Variants in KLF7 observed in about 807,000 individuals in gnomAD.
The protein encoded by KLF7 is Krueppel-like factor 7.
In KLF7, 2 loss-of-function variants were observed where a neutral mutation model predicts 27.3. The ratio of observed to expected loss-of-function variants is 0.07; its 90% CI spans 0.03 to 0.23. KLF7 has a LOEUF of 0.23. Among genes scored for constraint, KLF7 ranks in the 10% least tolerant of loss-of-function variants. KLF7 has a pLI of 1.00. For missense variants in KLF7, 221 were observed against 394.1 expected (o/e 0.56, Z 3.72); for synonymous variants, 165 against 162.4 (o/e 1.02, Z -0.12).
chr2:207,081,306 A>T (rs1382105420), intron 3 of KLF7, 42 bp from the exon 4 acceptor site: 1 of 1,500,812 alleles, frequency 6.7e-7, no homozygotes, highest in East Asian at 2.3e-5. Context: ...AACTCCCAGC[A>T]AACAGCTTGA....
At chr2:207,106,266 A>T (rs2076880903) in intron 2 of KLF7, among the ~76,000 whole-genome samples, 1 of 152,230 alleles carries the variant, frequency 6.6e-6, no homozygotes, top group South Asian at 2.1e-4. Context: ...CTCTAGCTAC[A>T]AAATGGAGAA....
chr2:207,130,211 T>C (rs2077589113), intron 1 of KLF7, among the ~76,000 whole-genome samples: 1 of 152,170 alleles, frequency 6.6e-6, no homozygotes, highest in Admixed American at 6.5e-5. Context: ...CCTTTCGCCT[T>C]CCCTCCCACT....
intron 1 of KLF7, among the ~76,000 whole-genome samples, chr2:207,132,898 T>C (rs771489221): frequency 1.3e-5 from 2 of 152,252 alleles, no homozygotes; most frequent in Non-Finnish European, 2.9e-5. Context: ...TGATGGCCCA[T>C]GCACAGAGAG....
At chr2:207,143,996 GGA>G (rs1332595616) in intron 1 of KLF7, among the ~76,000 whole-genome samples, 1 of 151,996 alleles carries the variant, frequency 6.6e-6, no homozygotes, top group Non-Finnish European at 1.5e-5. Context: ...CTGCCTTGGT[GGA>G]GAGAGAGAGG....
intron 1 of KLF7, among the ~76,000 whole-genome samples, chr2:207,142,683 G>C (rs2077976903): frequency 6.6e-6 from 1 of 152,158 alleles, no homozygotes; most frequent in Non-Finnish European, 1.5e-5. Flanking sequence ...GTGGAGAAAG[G>C]GAACAATGAC....
chr2:207,107,358 C>T (rs913668309), intron 2 of KLF7, among the ~76,000 whole-genome samples: 4 of 152,118 alleles, frequency 2.6e-5, no homozygotes, highest in Non-Finnish European at 5.9e-5. Flanking sequence ...CACAGCAGTT[C>T]CCCCACCCCA....
chr2:207,106,747 C>T (rs1229230875), intron 2 of KLF7, among the ~76,000 whole-genome samples: 1 of 152,128 alleles, frequency 6.6e-6, no homozygotes, highest in Non-Finnish European at 1.5e-5. Context: ...TCAAGAAACA[C>T]TTTGGAAAGC....
chr2:207,118,869 G>C (rs1364828718), intron 2 of KLF7, among the ~76,000 whole-genome samples: 3 of 152,122 alleles, frequency 2.0e-5, no homozygotes, highest in Admixed American at 6.5e-5. Flanking sequence ...TTTGCCTTTT[G>C]AATGCTACAC....
chr2:207,133,917 T>G (rs773994899), intron 1 of KLF7: 4 of 514,752 alleles, frequency 7.8e-6, no homozygotes, highest in Non-Finnish European at 1.3e-5. Context: ...AAACCAAAAT[T>G]ACTGAAAAAC....
intron 1 of KLF7, among the ~76,000 whole-genome samples, chr2:207,155,106 TG>T (rs1291177055): frequency 1.3e-5 from 2 of 152,224 alleles, no homozygotes; most frequent in African/African-American, 4.8e-5. Context: ...CCAAGTTGTA[TG>T]ATTTTAAGCA....
Position 207,078,963 on chromosome 2 carries a change from A to T in KLF7, c.*2250T>A, listed in dbSNP as rs932678326. On this transcript the variant is annotated 3_prime_UTR_variant, in exon 4 of 4. Transcript: ENST00000309446. ...AACTGATTTTTAATACCCTCCAACTAACATACATACAATTGCCTCCGGCAA... is the reference window on the plus strand; with the variant it reads ...AACTGATTTTTAATACCCTCCAACTTACATACATACAATTGCCTCCGGCAA... The T allele has an allele frequency of 4.6e-5, 7 of 152,158 alleles. No individual in the cohort carries two copies. Among genetic ancestry groups the T allele is most frequent in the Non-Finnish European group, 8.8e-5 (6 of 68,054 alleles). The allele number at this position is 152,158 out of a possible 1,614,324, so 9.4% of individuals were successfully genotyped here.
rs1330060275 is a variant in KLF7 at position 207,075,110 on chromosome 2, CT to C, written c.*6102del. On this transcript the variant is annotated 3_prime_UTR_variant, in exon 4 of 4. Coordinates refer to ENST00000309446, the MANE Select transcript of KLF7 (RefSeq NM_003709.4). Reference sequence around the variant, plus strand: ...GTATTCCAAGGCCAAACACATTCTACTGTTTATTACACATATTACATTCTTA... The same window carrying C: ...GTATTCCAAGGCCAAACACATTCTACGTTTATTACACATATTACATTCTTA... 12 of 152,298 alleles carry C rather than the reference CT, an allele frequency of 7.9e-5. No homozygotes were observed. The South Asian group carries it at 2.5e-3, about 32-fold the overall frequency. 9.4% of individuals were successfully genotyped at this position (152,298 alleles called of 1,614,324 possible).
intron 2 of KLF7, 37 bp downstream of exon 2, chr2:207,123,737 A>T: frequency 6.3e-7 from 1 of 1,580,598 alleles, no homozygotes; most frequent in Non-Finnish European, 8.6e-7. Flanking sequence ...ACAGGAGGGG[A>T]AAGAAGAAAC....
chr2:207,143,917 T>A (rs989620491), intron 1 of KLF7, among the ~76,000 whole-genome samples: 6 of 152,152 alleles, frequency 3.9e-5, no homozygotes, highest in African/African-American at 1.2e-4. Context: ...CCCCTGTGAC[T>A]GAGAGGCTCA....
chr2:207,153,321 G>T (rs1296940391), intron 1 of KLF7, among the ~76,000 whole-genome samples: 1 of 152,148 alleles, frequency 6.6e-6, no homozygotes, highest in Non-Finnish European at 1.5e-5. Context: ...AGTGAGAACT[G>T]GGGGAAGAAA....
At chr2:207,156,406 C>T (rs1486833599) in intron 1 of KLF7, among the ~76,000 whole-genome samples, 1 of 152,206 alleles carries the variant, frequency 6.6e-6, no homozygotes, top group Non-Finnish European at 1.5e-5. Flanking sequence ...AGTCTACTTC[C>T]AAACACTGTG....
chr2:207,149,085 G>C, intron 1 of KLF7: 1 of 1,240,232 alleles, frequency 8.1e-7, no homozygotes, highest in Non-Finnish European at 1.0e-6. Flanking sequence ...GTTTCCATCA[G>C]CTCTTAGGGA....
At chr2:207,117,457 A>G (rs2077218014) in intron 2 of KLF7, among the ~76,000 whole-genome samples, 1 of 152,222 alleles carries the variant, frequency 6.6e-6, no homozygotes, top group African/African-American at 2.4e-5. Context: ...TGAACTGAAC[A>G]TTTAACCCTT....
Position 207,074,769 on chromosome 2 carries a change from C to G in KLF7, c.*6444G>C, listed in dbSNP as rs1205116423. 6.6e-6 allele frequency: 1 copy of G among 152,178 alleles called. No homozygotes were observed. The highest frequency in any genetic ancestry group is 1.5e-5 in the Non-Finnish European group (1 of 68,034). 9.4% of individuals were successfully genotyped at this position (152,178 alleles called of 1,614,324 possible). A position where few individuals can be genotyped will look rare whatever the true frequency, so the allele number is the denominator to read the frequency against. On this transcript the variant is annotated 3_prime_UTR_variant, in exon 4 of 4. Transcript: ENST00000309446. ...GCTTTCAATAAGCCTCTCCCAACCC[C>G]CTAAACAAATAACATCTTGTAATCT...
Sources: gnomAD v4.1 joint callset for allele counts (sites outside exome capture counted in the v4.1 genomes callset) on GRCh38, gnomAD v4.1.1 for gene constraint, MANE v1.5 for transcripts, NCBI Gene and HGNC (gene_info 2026-07-23, HGNC 2026-07-21) for gene names.